Variants in KRABD1 observed in about 807,000 individuals in gnomAD.
The protein encoded by KRABD1 is KRAB domain-containing protein 1.
chr3:42,942,706 A>G, the KRABD1 span: 2 of 550,208 alleles, frequency 3.6e-6, no homozygotes, highest in Admixed American at 6.6e-5. Context: ...GCCACCTTAA[A>G]CGATGTCAAA....
the KRABD1 span, among the ~76,000 whole-genome samples, chr3:42,942,247 C>G: frequency 6.6e-6 from 1 of 152,148 alleles, no homozygotes; most frequent in African/African-American, 2.4e-5. Context: ...AAGCGTAGTA[C>G]ACAACACTCT....
chr3:42,937,551 T>A, the KRABD1 span: 1 of 152,272 alleles, frequency 6.6e-6, no homozygotes, highest in African/African-American at 2.4e-5. Flanking sequence ...TTACAAGGGT[T>A]AACTATTTAC....
the KRABD1 span, chr3:42,938,075 C>T: frequency 2.0e-5 from 3 of 152,130 alleles, no homozygotes; most frequent in African/African-American, 7.2e-5. Flanking sequence ...AGACTTACTT[C>T]CTAATGATGA....
chr3:42,940,971 A>C, the KRABD1 span, among the ~76,000 whole-genome samples: 2 of 152,192 alleles, frequency 1.3e-5, no homozygotes, highest in Non-Finnish European at 2.9e-5. Flanking sequence ...GCGTCTGTGG[A>C]GGTCACATGT....
chr3:42,941,618 A>C, the KRABD1 span, among the ~76,000 whole-genome samples: 1 of 152,048 alleles, frequency 6.6e-6, no homozygotes, highest in Non-Finnish European at 1.5e-5. Context: ...AATTTATCTT[A>C]AGAGAATGCA....
At chr3:42,942,200 CT>C in the KRABD1 span, 1 of 686,194 alleles carries the variant, frequency 1.5e-6, no homozygotes, top group Non-Finnish European at 2.6e-6. Context: ...CACATTTTTT[CT>C]GACCGGTGTG....
chr3:42,938,650 A>G, the KRABD1 span: 1 of 375,848 alleles, frequency 2.7e-6, no homozygotes, highest in Non-Finnish European at 4.9e-6. Flanking sequence ...CCACTTTTTC[A>G]TCACTCATTC....
chr3:42,938,728 A>C, the KRABD1 span: 3 of 461,206 alleles, frequency 6.5e-6, no homozygotes, highest in African/African-American at 5.7e-5. Context: ...TGAGATTGAT[A>C]ATAAGCAATA....
the KRABD1 span, chr3:42,942,195 T>A: frequency 1.4e-6 from 1 of 699,444 alleles, no homozygotes; most frequent in South Asian, 1.7e-5. Flanking sequence ...TCGATCACAT[T>A]TTTTCTGACC....
chr3:42,941,999 C>G, the KRABD1 span: 13 of 1,535,972 alleles, frequency 8.5e-6, no homozygotes, highest in Non-Finnish European at 1.1e-5. Flanking sequence ...TCATCTGGAG[C>G]AAGGGAAAGA....
At chr3:42,942,374 A>G in the KRABD1 span, among the ~76,000 whole-genome samples, 2 of 152,220 alleles carry the variant, frequency 1.3e-5, no homozygotes, top group Non-Finnish European at 2.9e-5. Context: ...CAGTTTTACA[A>G]AATTGATAAA....
At chr3:42,942,571 C>T in the KRABD1 span, 1 of 1,415,938 alleles carries the variant, frequency 7.1e-7, no homozygotes, top group Non-Finnish European at 9.3e-7. Flanking sequence ...ACTTACTTAG[C>T]TAAAGCAGTG....
At chr3:42,939,450 C>G in the KRABD1 span, among the ~76,000 whole-genome samples, 3 of 152,118 alleles carry the variant, frequency 2.0e-5, no homozygotes, top group Non-Finnish European at 4.4e-5. Flanking sequence ...GATAATAGCA[C>G]ATTTTATTCA....
the KRABD1 span, among the ~76,000 whole-genome samples, chr3:42,939,533 TC>T: frequency 2.6e-5 from 4 of 152,342 alleles, no homozygotes; most frequent in South Asian, 8.3e-4. Flanking sequence ...AACATTCTTA[TC>T]TTTTTGTGGA....
chr3:42,939,739 C>T, the KRABD1 span, among the ~76,000 whole-genome samples: 1 of 152,112 alleles, frequency 6.6e-6, no homozygotes, highest in East Asian at 1.9e-4. Flanking sequence ...TGCAGTATCT[C>T]ATTGGGGTTT....
chr3:42,936,748 C>G, the KRABD1 span: 2 of 152,198 alleles, frequency 1.3e-5, no homozygotes, highest in Non-Finnish European at 2.9e-5. Context: ...CAGAACATGC[C>G]CCTCGGTCGC....
At chr3:42,942,715 A>G in the KRABD1 span, 1 of 499,968 alleles carries the variant, frequency 2.0e-6, no homozygotes. Context: ...AACGATGTCA[A>G]ATACACATTT....
the KRABD1 span, chr3:42,941,461 A>G: frequency 8.4e-7 from 1 of 1,197,232 alleles, no homozygotes; most frequent in Non-Finnish European, 1.1e-6. Context: ...AGGTATAGAA[A>G]GCCCTGGTGT....
the KRABD1 span, among the ~76,000 whole-genome samples, chr3:42,941,798 T>G: frequency 6.6e-6 from 1 of 152,116 alleles, no homozygotes; most frequent in Admixed American, 6.5e-5. Context: ...CTGACTCTTC[T>G]TCCCAGGATC....
Sources: gnomAD v4.1 joint callset for allele counts (sites outside exome capture counted in the v4.1 genomes callset) on GRCh38, gnomAD v4.1.1 for gene constraint, MANE v1.5 for transcripts, NCBI Gene and HGNC (gene_info 2026-07-23, HGNC 2026-07-21) for gene names.